RNF170: variants seen among roughly 807,000 people sequenced by gnomAD.
RNF170 encodes the protein ring finger protein 170, also known as E3 ubiquitin-protein ligase RNF170.
Under a neutral mutation model 32.7 loss-of-function variants are expected in RNF170, and 12 were observed. That is an observed-to-expected ratio of 0.37 (90% CI 0.24 to 0.60). The LOEUF (loss-of-function observed/expected upper bound fraction) is 0.60. Among genes scored for constraint, RNF170 ranks in the 20% least tolerant of loss-of-function variants. The probability of loss-of-function intolerance (pLI) is 0.72; values close to 1 mark genes in which losing one functional copy is unlikely to be tolerated. For synonymous variants in RNF170, 91 were observed against 103.6 expected (o/e 0.88, Z 0.74); for missense variants, 212 against 311.2 (o/e 0.68, Z 2.40).
At chr8:42,861,031 T>C (rs550463497) in intron 6 of RNF170, among the ~76,000 whole-genome samples, 55 of 152,312 alleles carry the variant, frequency 3.6e-4, no homozygotes, top group African/African-American at 1.3e-3. Flanking sequence ...CTGGAATTTT[T>C]TTAAGGGAAC....
In RNF170 at chr8:42,869,991, G is replaced by A. The variant is rs58729340; in HGVS notation, c.322+13C>T. On this transcript the variant is annotated intron_variant, in intron 4 of 6. Transcript: ENST00000527424. ...CACAGTCACTTTTCCCAAGTATAGC[G>A]TTGTTTGCTTACCACAAAAAAGATG... 9,179 of 1,587,952 alleles carry A rather than the reference G, an allele frequency of 5.8e-3. 431 individuals are homozygous for A. The African/African-American group carries it at 0.11, about 18-fold the overall frequency.
intron 2 of RNF170, among the ~76,000 whole-genome samples, chr8:42,882,043 T>G (rs1805455456): frequency 6.6e-6 from 1 of 152,190 alleles, no homozygotes; most frequent in Non-Finnish European, 1.5e-5. Context: ...AGTGAGTTAC[T>G]ACTTCATACC....
chr8:42,884,703 C>CT (rs535200241), intron 2 of RNF170, among the ~76,000 whole-genome samples: 292 of 142,684 alleles, frequency 2.0e-3, no homozygotes, highest in African/African-American at 4.7e-3. Flanking sequence ...TAAATGAATT[C>CT]TTTTTTTTTT....
chr8:42,858,262 G>C (rs1407540734), intron 6 of RNF170, among the ~76,000 whole-genome samples: 1 of 151,932 alleles, frequency 6.6e-6, no homozygotes, highest in East Asian at 1.9e-4. Flanking sequence ...ATGAAAAATG[G>C]GTAAATCTAC....
rs1012401561 is a variant in RNF170, at chr8:42,856,512, A to T, written c.508-84T>A. On this transcript the variant is annotated intron_variant, in intron 6 of 6. Coordinates refer to ENST00000527424, the MANE Select transcript of RNF170 (RefSeq NM_030954.4). The stretch of plus-strand genomic sequence containing the variant: ...AATATAATTTTCTTACTATATGTAA[A>T]CATTGTTAAGATGAATTAAGGAGTT... 4 of 1,002,496 alleles carry T rather than the reference A, an allele frequency of 4.0e-6. No individual in the cohort carries two copies. The Admixed American group carries it at 8.4e-5, about 21-fold the overall frequency. 62.1% of individuals were successfully genotyped at this position (1,002,496 alleles called of 1,614,324 possible). A position where few individuals can be genotyped will look rare whatever the true frequency, so the allele number is the denominator to read the frequency against.
intron 4 of RNF170, among the ~76,000 whole-genome samples, chr8:42,868,483 G>A (rs947098149): frequency 2.0e-5 from 3 of 152,162 alleles, no homozygotes; most frequent in South Asian, 2.1e-4. Flanking sequence ...AAGTGGCTTC[G>A]AGTGTTTACT....
intron 1 of RNF170, among the ~76,000 whole-genome samples, chr8:42,895,078 G>A (rs1453428609): frequency 6.6e-6 from 1 of 152,010 alleles, no homozygotes; most frequent in Non-Finnish European, 1.5e-5. Flanking sequence ...CTTTTGGGAG[G>A]CTAAGGCGGG....
intron 6 of RNF170, among the ~76,000 whole-genome samples, chr8:42,860,103 A>C (rs563167790): frequency 6.6e-6 from 1 of 152,364 alleles, no homozygotes; most frequent in South Asian, 2.1e-4. Flanking sequence ...AATCAGCTCA[A>C]TACTCCACGT....
intron 4 of RNF170, 139 bp downstream of exon 4, chr8:42,869,865 G>C: frequency 1.4e-6 from 1 of 707,918 alleles, no homozygotes; most frequent in South Asian, 1.5e-5. Flanking sequence ...TTGACAAGTA[G>C]AGCAGGATAT....
At chr8:42,894,399 T>C (rs996108808) in intron 1 of RNF170, among the ~76,000 whole-genome samples, 3 of 152,182 alleles carry the variant, frequency 2.0e-5, no homozygotes, top group Admixed American at 6.5e-5. Context: ...AGTAAGTCAA[T>C]GTGACATATA....
intron 1 of RNF170, among the ~76,000 whole-genome samples, chr8:42,894,522 G>A (rs1806585862): frequency 6.6e-6 from 1 of 152,168 alleles, no homozygotes; most frequent in African/African-American, 2.4e-5. Context: ...CAAATATCCA[G>A]AGGCACCAAC....
intron 2 of RNF170, among the ~76,000 whole-genome samples, chr8:42,877,206 G>A (rs1185593885): frequency 2.0e-5 from 3 of 151,744 alleles, no homozygotes; most frequent in South Asian, 2.1e-4. Context: ...GATTACAGGC[G>A]TGAGCCACTG....
chr8:42,895,750 A>G (rs1400386055), intron 1 of RNF170, among the ~76,000 whole-genome samples: 1 of 152,160 alleles, frequency 6.6e-6, no homozygotes, highest in Non-Finnish European at 1.5e-5. Context: ...CCACAAAACA[A>G]CACACTGTGA....
chr8:42,854,173 A>G lies in RNF170; in HGVS notation c.*1986T>C. Reference sequence around the variant, plus strand: ...GAAGTGTAGAATTCGGATTCATGTCATCTCCACAGACCTTTCCTCTTAGGA... The same window carrying G: ...GAAGTGTAGAATTCGGATTCATGTCGTCTCCACAGACCTTTCCTCTTAGGA... On this transcript the variant is annotated 3_prime_UTR_variant, in exon 7 of 7. Coordinates refer to ENST00000527424, the MANE Select transcript of RNF170 (RefSeq NM_030954.4). 1 of 1,287,046 alleles carries G rather than the reference A, an allele frequency of 7.8e-7. No homozygotes were observed. The highest frequency in any genetic ancestry group is 1.0e-6 in the Non-Finnish European group (1 of 988,640). The allele number at this position is 1,287,046 out of a possible 1,614,324, so 79.7% of individuals were successfully genotyped here.
intron 4 of RNF170, among the ~76,000 whole-genome samples, chr8:42,866,311 G>C (rs1804074338): frequency 6.6e-6 from 1 of 152,142 alleles, no homozygotes; most frequent in Non-Finnish European, 1.5e-5. Context: ...GGTGGCTGAG[G>C]CGGGTGGATC....
chr8:42,854,492 C>T lies in RNF170; in HGVS notation c.*1667G>A, dbSNP rs904764331. 10 of 1,286,552 alleles carry T rather than the reference C, an allele frequency of 7.8e-6. No individual in the cohort carries two copies. Among genetic ancestry groups the T allele is most frequent in the South Asian group, 3.7e-5 (3 of 80,924 alleles). The allele number at this position is 1,286,552 out of a possible 1,614,324, so 79.7% of individuals were successfully genotyped here. ...GATAAAATGAAAAGTATGTGAGAAA[C>T]CTGCTTTAATTATAATGTGCTATGT... On this transcript the variant is annotated 3_prime_UTR_variant, in exon 7 of 7. Transcript: ENST00000527424.
intron 1 of RNF170, among the ~76,000 whole-genome samples, chr8:42,889,586 G>A (rs1236947323): frequency 6.6e-6 from 1 of 152,126 alleles, no homozygotes; most frequent in Non-Finnish European, 1.5e-5. Flanking sequence ...TGAACTGGCT[G>A]CAAGAAAATT....
intron 2 of RNF170, among the ~76,000 whole-genome samples, chr8:42,874,938 G>A (rs892676925): frequency 2.0e-5 from 3 of 151,866 alleles, no homozygotes; most frequent in Admixed American, 6.6e-5. Context: ...TTGGGAGGCC[G>A]AGGCCGGTGG....
rs894091555 is a variant in RNF170, at chr8:42,887,869, G to A, written c.-5C>T. Reference sequence around the variant, plus strand: ...TTCACCTTGATATTTGGCCATTCCAGGTCTAAAATAAGAAGAAACAAGATG... The same window carrying A: ...TTCACCTTGATATTTGGCCATTCCAAGTCTAAAATAAGAAGAAACAAGATG... On this transcript the variant is annotated splice_region_variant and 5_prime_UTR_variant, in exon 2 of 7. Transcript: ENST00000527424. 1 of 1,612,946 alleles carries A rather than the reference G, an allele frequency of 6.2e-7. No homozygotes were observed.
Sources: allele counts gnomAD v4.1 joint callset (sites outside exome capture counted in the v4.1 genomes callset), GRCh38; gene constraint gnomAD v4.1.1; transcripts MANE v1.5; gene names NCBI Gene and HGNC (gene_info 2026-07-23, HGNC 2026-07-21).